Variants in NAALADL2 observed in about 807,000 individuals in gnomAD.
NAALADL2 encodes N-acetylated alpha-linked acidic dipeptidase like 2.
A neutral mutation model predicts 87.2 loss-of-function variants in NAALADL2; 76 were observed. That is an observed-to-expected ratio of 0.87 (90% confidence interval 0.72 to 1.05). The LOEUF (loss-of-function observed/expected upper bound fraction) is 1.05. NAALADL2 is among the 50% of genes least tolerant of loss of function. The pLI is 0.00. For synonymous variants in NAALADL2, 354 were observed against 331.0 expected, an observed-to-expected ratio of 1.07 and a Z score of -0.75; for missense variants, 1,089 against 945.8, an observed-to-expected ratio of 1.15 and a Z score of -1.99.
chr3:175,254,254 A>T (rs895953795), intron 3 of NAALADL2, among the ~76,000 whole-genome samples: 8 of 152,160 alleles, frequency 5.3e-5, no homozygotes, highest in Non-Finnish European at 1.2e-4. Context: ...TGTGACCCTG[A>T]TCAGTTAGCA....
chr3:175,250,591 TC>T (rs1002717176), intron 3 of NAALADL2, among the ~76,000 whole-genome samples: 15 of 152,140 alleles, frequency 9.9e-5, no homozygotes, highest in African/African-American at 3.6e-4. Flanking sequence ...ACAGTGTCTT[TC>T]TCTAGTGGCC....
chr3:174,696,881 T>C (rs1003642541), intron 2 of NAALADL2, among the ~76,000 whole-genome samples: 8 of 152,082 alleles, frequency 5.3e-5, no homozygotes, highest in African/African-American at 4.8e-5. Flanking sequence ...ATTATAAAAA[T>C]AGCCGTTCTT....
At chr3:174,812,723 T>C (rs1050991953) in intron 3 of NAALADL2, among the ~76,000 whole-genome samples, 4 of 152,000 alleles carry the variant, frequency 2.6e-5, no homozygotes, top group African/African-American at 9.7e-5. Flanking sequence ...ATACTGATGA[T>C]GCTGATCTCG....
intron 2 of NAALADL2, among the ~76,000 whole-genome samples, chr3:174,658,833 C>T (rs1184136654): frequency 6.6e-6 from 1 of 152,096 alleles, no homozygotes; most frequent in Non-Finnish European, 1.5e-5. Flanking sequence ...GCATCTGCAA[C>T]TAATGGTATC....
At chr3:174,800,276 G>A (rs73050161) in intron 3 of NAALADL2, among the ~76,000 whole-genome samples, 18,731 of 152,056 alleles carry the variant, frequency 0.12, 1,394 homozygotes, top group African/African-American at 0.21. Flanking sequence ...AAATGGTTTC[G>A]TGGGCTGGGC....
intron 2 of NAALADL2, among the ~76,000 whole-genome samples, chr3:174,680,514 A>G (rs892137165): frequency 3.3e-5 from 5 of 152,150 alleles, no homozygotes; most frequent in African/African-American, 4.8e-5. Context: ...TTTGGCATTT[A>G]TCTGAAAACA....
At chr3:175,040,191 T>A (rs988077404) in intron 1 of NAALADL2, among the ~76,000 whole-genome samples, 3 of 152,198 alleles carry the variant, frequency 2.0e-5, no homozygotes, top group Non-Finnish European at 2.9e-5. Flanking sequence ...ACTGCTTTTC[T>A]TCCAGTGTAC....
chr3:174,506,499 G>A (rs992885104), intron 1 of NAALADL2, among the ~76,000 whole-genome samples: 5 of 151,868 alleles, frequency 3.3e-5, no homozygotes, highest in African/African-American at 7.3e-5. Flanking sequence ...CATTTTTAAC[G>A]GCTTTGCATT....
chr3:174,701,444 A>G (rs552672620), intron 2 of NAALADL2, among the ~76,000 whole-genome samples: 3 of 152,180 alleles, frequency 2.0e-5, no homozygotes, highest in East Asian at 1.9e-4. Context: ...ATCTTTTTGA[A>G]TAGTTTTATT....
intron 1 of NAALADL2, among the ~76,000 whole-genome samples, chr3:175,085,692 A>AGGCGG (rs1718752375): frequency 6.6e-6 from 1 of 152,138 alleles, no homozygotes; most frequent in South Asian, 2.1e-4. Context: ...TGGGAGGCCT[A>AGGCGG]GCAGATCATG....
intron 12 of NAALADL2, among the ~76,000 whole-genome samples, chr3:175,744,971 C>T (rs2150107741): frequency 6.6e-6 from 1 of 150,942 alleles, no homozygotes; most frequent in East Asian, 1.9e-4. Context: ...AAAAAACTGA[C>T]CTTCAAGGCT....
At chr3:175,546,780 C>G (rs1034488267) in intron 9 of NAALADL2, among the ~76,000 whole-genome samples, 2 of 152,020 alleles carry the variant, frequency 1.3e-5, no homozygotes, top group Non-Finnish European at 2.9e-5. Context: ...TGACCTTTCT[C>G]TCTAGATGCC....
chr3:175,080,235 A>T (rs996406274), intron 1 of NAALADL2, among the ~76,000 whole-genome samples: 2 of 152,204 alleles, frequency 1.3e-5, no homozygotes, highest in African/African-American at 2.4e-5. Flanking sequence ...AAATGCTGGG[A>T]TTACAGGCGT....
intron 9 of NAALADL2, among the ~76,000 whole-genome samples, chr3:175,493,007 T>C (rs1240379713): frequency 6.6e-6 from 1 of 152,108 alleles, no homozygotes; most frequent in Non-Finnish European, 1.5e-5. Context: ...ATAACAGATA[T>C]TTATGTGTAC....
chr3:175,153,162 T>A (rs1045399820), intron 2 of NAALADL2, among the ~76,000 whole-genome samples: 5 of 152,170 alleles, frequency 3.3e-5, no homozygotes, highest in African/African-American at 4.8e-5. Flanking sequence ...ACCTCTGACA[T>A]TTTTCTTGCT....
At chr3:175,389,564 A>G (rs553902648) in intron 5 of NAALADL2, among the ~76,000 whole-genome samples, 2 of 152,354 alleles carry the variant, frequency 1.3e-5, no homozygotes, top group Admixed American at 6.5e-5. Context: ...CACAGTGAGG[A>G]GAAACATTAG....
intron 2 of NAALADL2, among the ~76,000 whole-genome samples, chr3:174,688,001 A>G (rs1728202375): frequency 6.6e-6 from 1 of 152,132 alleles, no homozygotes; most frequent in Admixed American, 6.6e-5. Flanking sequence ...TTTCTTTATA[A>G]ATTACCCAGT....
intron 1 of NAALADL2, among the ~76,000 whole-genome samples, chr3:174,958,295 A>G (rs1741447191): frequency 6.6e-6 from 1 of 151,856 alleles, no homozygotes; most frequent in Non-Finnish European, 1.5e-5. Flanking sequence ...TAGCATGCTT[A>G]GACTATATTA....
chr3:174,540,667 A>G (rs368868242), intron 1 of NAALADL2: 2 of 152,218 alleles, frequency 1.3e-5, no homozygotes, highest in Admixed American at 1.3e-4. Context: ...ACAATGGGGC[A>G]TAAATTTACC....
Sources: allele counts gnomAD v4.1 joint callset (sites outside exome capture counted in the v4.1 genomes callset), GRCh38; gene constraint gnomAD v4.1.1; transcripts MANE v1.5; gene names NCBI Gene and HGNC (gene_info 2026-07-23, HGNC 2026-07-21).